The following ZNF438 variants were observed in gnomAD, a reference collection of about 807,000 sequenced individuals.
The protein encoded by ZNF438 is zinc finger protein 438.
Under a neutral mutation model 38.0 loss-of-function variants are expected in ZNF438, and 25 were observed. The observed-to-expected ratio is 0.66, with a 90% CI of 0.48 to 0.92. The LOEUF (loss-of-function observed/expected upper bound fraction) is 0.92, where lower values mean the gene tolerates loss of function less well. Ranked by LOEUF, ZNF438 falls within the 40% of genes least tolerant of loss-of-function variation. The pLI, the probability that ZNF438 is intolerant of heterozygous loss-of-function variation, is 0.00. For missense variants in ZNF438, 1,007 were observed against 999.6 expected (o/e 1.01, Z -0.10); for synonymous variants, 372 against 364.1 (o/e 1.02, Z -0.25).
chr10:30,889,749 C>G (rs1405035367), intron 3 of ZNF438, among the ~76,000 whole-genome samples: 2 of 152,152 alleles, frequency 1.3e-5, no homozygotes, highest in African/African-American at 4.8e-5. Flanking sequence ...TAGACTCACC[C>G]TTAATTTTCA....
chr10:31,031,174 G>A lies in ZNF438; in HGVS notation c.-192+659C>T, dbSNP rs75777024. On this transcript the variant is annotated intron_variant, in intron 1 of 5. Transcript: ENST00000413025. Reference sequence around the variant, plus strand: ...AAGTTCCCCTTCTACAAGATTCCTGGTCAAATAGCCAGTGGCTACCACATT... The same window carrying A: ...AAGTTCCCCTTCTACAAGATTCCTGATCAAATAGCCAGTGGCTACCACATT... 7.0e-3 allele frequency among the ~76,000 whole-genome samples: 1,066 copies of A among 152,288 alleles called. 31 individuals are homozygous for A. In the East Asian group the frequency reaches 0.075, roughly 11 times the overall value.
At chr10:30,947,724 G>A (rs909647554) in intron 1 of ZNF438, among the ~76,000 whole-genome samples, 12 of 152,344 alleles carry the variant, frequency 7.9e-5, no homozygotes, top group Admixed American at 3.9e-4. Flanking sequence ...ATATAATCTC[G>A]TGGTGCACCA....
intron 1 of ZNF438, among the ~76,000 whole-genome samples, chr10:31,024,715 A>C (rs16932120): frequency 0.03 from 4,575 of 152,292 alleles, 223 homozygotes; most frequent in African/African-American, 0.1. Context: ...ATTTAACCTA[A>C]GTCTGTTTCT....
chr10:30,871,530 AG>A (rs1188689400), intron 4 of ZNF438, among the ~76,000 whole-genome samples: 1 of 152,218 alleles, frequency 6.6e-6, no homozygotes, highest in Non-Finnish European at 1.5e-5. Context: ...AAAATAAGTA[AG>A]GTCTTTTCCT....
intron 1 of ZNF438, among the ~76,000 whole-genome samples, chr10:31,013,715 T>C (rs1174109444): frequency 6.6e-6 from 1 of 152,094 alleles, no homozygotes; most frequent in African/African-American, 2.4e-5. Flanking sequence ...ATTTATCCAC[T>C]TCCCCCTCCA....
chr10:30,860,376 T>G (rs981497056), intron 4 of ZNF438, among the ~76,000 whole-genome samples: 1 of 152,220 alleles, frequency 6.6e-6, no homozygotes, highest in Non-Finnish European at 1.5e-5. Context: ...CAGTTTCCCA[T>G]CTTTGGGTCT....
chr10:30,867,939 T>C (rs1353270098), intron 4 of ZNF438, among the ~76,000 whole-genome samples: 3 of 152,232 alleles, frequency 2.0e-5, no homozygotes, highest in African/African-American at 7.2e-5. Flanking sequence ...TTATCTTACT[T>C]AAATTTATAT....
At chr10:31,001,166 T>C (rs2054617837) in intron 1 of ZNF438, among the ~76,000 whole-genome samples, 1 of 152,192 alleles carries the variant, frequency 6.6e-6, no homozygotes, top group Non-Finnish European at 1.5e-5. Flanking sequence ...AGGACTTCCT[T>C]AAAGGAATTC....
At chr10:30,860,728 T>A (rs558780845) in intron 4 of ZNF438, among the ~76,000 whole-genome samples, 31 of 152,304 alleles carry the variant, frequency 2.0e-4, no homozygotes, top group African/African-American at 6.5e-4. Context: ...TCAATGCGAA[T>A]AGGGTTAACA....
intron 1 of ZNF438, among the ~76,000 whole-genome samples, chr10:30,961,019 A>C: frequency 6.9e-6 from 1 of 145,506 alleles, no homozygotes; most frequent in East Asian, 1.9e-4. Context: ...AATAATATAT[A>C]CTTACTCACT....
At chr10:30,973,638 T>C (rs1444814947) in intron 1 of ZNF438, among the ~76,000 whole-genome samples, 1 of 152,196 alleles carries the variant, frequency 6.6e-6, no homozygotes, top group East Asian at 1.9e-4. Flanking sequence ...AAGCTCTTGA[T>C]AGAGAGGGAA....
At chr10:30,996,734 C>T (rs2054084416) in intron 1 of ZNF438, among the ~76,000 whole-genome samples, 1 of 151,980 alleles carries the variant, frequency 6.6e-6, no homozygotes, top group Non-Finnish European at 1.5e-5. Context: ...ACACTCCACT[C>T]AACAAGGCAA....
At chr10:30,986,723 T>A (rs1393565392) in intron 1 of ZNF438, among the ~76,000 whole-genome samples, 2 of 152,190 alleles carry the variant, frequency 1.3e-5, no homozygotes, top group Non-Finnish European at 2.9e-5. Flanking sequence ...AATGCTCCCA[T>A]GAGTATTTCA....
rs193278459 is a variant in ZNF438, at chr10:30,981,172, G to T, written c.-191-39521C>A. Among the ~76,000 whole-genome samples, 3 of 152,316 alleles carry T rather than the reference G, an allele frequency of 2.0e-5. No individual in the cohort carries two copies. The East Asian group carries it at 5.8e-4, about 29-fold the overall frequency. ...TCAACGAAGCACACAATGAATGAGT[G>T]TTCAGCAATTAATCAGGTGACAGAG... is the stretch of plus-strand genomic sequence containing the variant. On this transcript the variant is annotated intron_variant, in intron 1 of 5. Transcript: ENST00000413025.
intron 1 of ZNF438, among the ~76,000 whole-genome samples, chr10:30,987,530 T>G (rs1297941975): frequency 1.3e-5 from 2 of 152,204 alleles, no homozygotes; most frequent in Admixed American, 1.3e-4. Flanking sequence ...TAAACGTTTG[T>G]GTCACCTTAA....
chr10:30,984,386 T>C (rs1419985807), intron 1 of ZNF438: 2 of 152,206 alleles, frequency 1.3e-5, no homozygotes, highest in African/African-American at 4.8e-5. Flanking sequence ...CCAAGGCTCC[T>C]GTAGAGTCAT....
chr10:30,953,989 A>C (rs527422888), intron 1 of ZNF438, among the ~76,000 whole-genome samples: 117 of 152,250 alleles, frequency 7.7e-4, no homozygotes, highest in African/African-American at 2.6e-3. Context: ...TGAAAATACA[A>C]AAAATTAGCT....
chr10:30,857,536 T>C (rs1290309879), intron 4 of ZNF438: 15 of 578,792 alleles, frequency 2.6e-5, no homozygotes, highest in Non-Finnish European at 4.4e-5. Context: ...ATTACAGGTA[T>C]GAGCCACCCC....
chr10:31,005,518 T>C (rs2055045344), intron 1 of ZNF438, among the ~76,000 whole-genome samples: 1 of 151,718 alleles, frequency 6.6e-6, no homozygotes, highest in African/African-American at 2.4e-5. Flanking sequence ...GGGGAGAAAA[T>C]GTGAAGATGT....
Sources: gnomAD v4.1 joint callset for allele counts (sites outside exome capture counted in the v4.1 genomes callset) on GRCh38, gnomAD v4.1.1 for gene constraint, MANE v1.5 for transcripts, NCBI Gene and HGNC (gene_info 2026-07-23, HGNC 2026-07-21) for gene names.